The following USP8 variants were observed in gnomAD, a reference collection of about 807,000 sequenced individuals.
USP8 encodes the protein ubiquitin specific peptidase 8.
USP8 carries 27 observed loss-of-function variants against 130.0 expected under a neutral mutation model. The ratio of observed to expected loss-of-function variants is 0.21; its 90% confidence interval spans 0.15 to 0.29. The LOEUF (loss-of-function observed/expected upper bound fraction) is 0.29. USP8 is among the 10% of genes least tolerant of loss of function. USP8 has a pLI of 1.00. For synonymous variants in USP8, 392 were observed against 444.1 expected, an observed-to-expected ratio of 0.88 and a Z score of 1.48; for missense variants, 1,029 against 1,312.2, an observed-to-expected ratio of 0.78 and a Z score of 3.33.
rs61761607 is a variant in USP8, at chr15:50,499,008, G to A, written c.3277G>A (p.Val1093Ile). Reference protein sequence around the residue: ...FDDHEVSDISVSSVKSSAAYI... With the variant: ...FDDHEVSDISISSVKSSAAYI... ...TGATCATGAAGTTTCTGATATCTCCGTTTCTTCTGTGAAATCTTCAGCAGC... is the reference window on the plus strand; with the variant it reads ...TGATCATGAAGTTTCTGATATCTCCATTTCTTCTGTGAAATCTTCAGCAGC... The change falls in exon 20 of 20, where the codon GTT becomes ATT. Residue 1093 changes from valine (V) to isoleucine (I), a missense_variant. By Grantham distance (29) the Val-to-Ile change is conservative. Transcript: ENST00000307179. 4.1e-5 allele frequency: 66 copies of A among 1,613,714 alleles called. No individual in the cohort carries two copies. The East Asian group carries it at 5.8e-4, about 14-fold the overall frequency.
chr15:50,493,223 T>C (rs904577614), intron 15 of USP8: 11 of 508,740 alleles, frequency 2.2e-5, no homozygotes, highest in African/African-American at 2.1e-4. Context: ...CATGGCCTTA[T>C]CACCTCTTTA....
chr15:50,427,482 ATAT>A (rs1235302982), intron 1 of USP8, among the ~76,000 whole-genome samples: 1 of 152,090 alleles, frequency 6.6e-6, no homozygotes, highest in Non-Finnish European at 1.5e-5. Context: ...CAGTTCCATA[ATAT>A]TAAATTTATT....
At position 50,505,793 on chromosome 15, in the gene USP8, TA is replaced by T; in HGVS notation, c.*6713del. The T allele has an allele frequency of 6.6e-6, 1 of 152,016 alleles. No individual in the cohort carries two copies. Among genetic ancestry groups the T allele is most frequent in the Non-Finnish European group, 1.5e-5 (1 of 67,970 alleles). The allele number at this position is 152,016 out of a possible 1,614,324, so 9.4% of individuals were successfully genotyped here. A position where few individuals can be genotyped will look rare whatever the true frequency, so the allele number is the denominator to read the frequency against. On this transcript the variant is annotated 3_prime_UTR_variant, in exon 20 of 20. Transcript: ENST00000307179. ...GGGCAACATAGTGAGACCTGGTCTC[TA>T]AAAAAAATAAAAAAGTTGGCCATGC...
In USP8 at chr15:50,504,202, T is replaced by TATGGGAGG. The variant is rs1380675511; in HGVS notation, c.*5118_*5125dup. ...AGTAATCCAGAGATGACTTAAAGTA[T>TATGGGAGG]ATGGGAGGATGTGCATAGGTTACAT... is the stretch of plus-strand genomic sequence containing the variant. On this transcript the variant is annotated 3_prime_UTR_variant, in exon 20 of 20. Transcript: ENST00000307179. 6.6e-6 allele frequency: 1 copy of TATGGGAGG among 152,184 alleles called. No homozygotes were observed. Among genetic ancestry groups the TATGGGAGG allele is most frequent in the East Asian group, 1.9e-4 (1 of 5,204 alleles). The allele number at this position is 152,184 out of a possible 1,614,324, so 9.4% of individuals were successfully genotyped here.
chr15:50,467,321 G>A (rs2051226632), intron 7 of USP8, among the ~76,000 whole-genome samples: 1 of 152,136 alleles, frequency 6.6e-6, no homozygotes, highest in Admixed American at 6.5e-5. Context: ...TGAAACTCAA[G>A]ATGATTTTAG....
At chr15:50,427,558 A>ATTT (rs59709410) in intron 1 of USP8, among the ~76,000 whole-genome samples, 5 of 106,528 alleles carry the variant, frequency 4.7e-5, no homozygotes, top group Non-Finnish European at 3.8e-5. Context: ...AGCCGTACTA[A>ATTT]TTTTTTTTTT....
At chr15:50,430,283 G>A (rs374447083) in intron 1 of USP8, among the ~76,000 whole-genome samples, 5 of 152,114 alleles carry the variant, frequency 3.3e-5, no homozygotes, top group African/African-American at 9.7e-5. Context: ...GGAGGTGGAG[G>A]TTTTGGTGAG....
At position 50,481,905 on chromosome 15, in the gene USP8, T is replaced by C; in HGVS notation, c.1643T>C (p.Ile548Thr). Residue 548 changes from isoleucine to threonine, a missense_variant, in exon 11 of 20, where the codon ATA becomes ACA. This residue lies in a region of USP8 where 486 missense variants were observed against 522.0 expected (regional missense o/e 0.93). Transcript: ENST00000307179. ...ACCTCAGCAAAGAGGGGCAAAGAAA[T>C]AACAGGAGTAAAAAGACAAAGTAAA... ...KETSAKRGKE[I>T]TGVKRQSKSE... 1 of 1,599,450 alleles carries C rather than the reference T, an allele frequency of 6.3e-7. No individual in the cohort carries two copies. Among genetic ancestry groups the C allele is most frequent in the Non-Finnish European group, 8.5e-7 (1 of 1,174,582 alleles).
chr15:50,513,329 A>C lies in USP8; in HGVS notation c.*14241A>C, dbSNP rs2052762117. ...AATAGGAAAATGGATAATTTATGATATATTCACACAATATACATCATAGGC... is the reference window on the plus strand; with the variant it reads ...AATAGGAAAATGGATAATTTATGATCTATTCACACAATATACATCATAGGC... On this transcript the variant is annotated 3_prime_UTR_variant, in exon 20 of 20. Coordinates refer to ENST00000307179, the MANE Select transcript of USP8 (RefSeq NM_005154.5). The C allele has an allele frequency of 6.6e-6, 1 of 152,178 alleles. No individual in the cohort carries two copies. Among genetic ancestry groups the C allele is most frequent in the Non-Finnish European group, 1.5e-5 (1 of 68,026 alleles). 9.4% of individuals were successfully genotyped at this position (152,178 alleles called of 1,614,324 possible).
At chr15:50,456,224 A>G (rs1295817641) in intron 4 of USP8, among the ~76,000 whole-genome samples, 2 of 152,162 alleles carry the variant, frequency 1.3e-5, no homozygotes, top group African/African-American at 4.8e-5. Flanking sequence ...AATATTAGTG[A>G]TCATTTCTGT....
chr15:50,496,291 A>C (rs538482584), intron 17 of USP8, among the ~76,000 whole-genome samples: 86 of 151,996 alleles, frequency 5.7e-4, no homozygotes, highest in African/African-American at 2.0e-3. Context: ...ACCATCCTGG[A>C]TAACACGGTG....
intron 15 of USP8, chr15:50,493,509 T>TA (rs1193808566): frequency 3.9e-6 from 2 of 518,170 alleles, no homozygotes; most frequent in Non-Finnish European, 7.7e-6. Flanking sequence ...TCCTAGCACT[T>TA]TGGGAGGCTG....
chr15:50,495,917 G>A lies in USP8; in HGVS notation c.2728G>A (p.Ala910Thr). 1 of 1,613,792 alleles carries A rather than the reference G, an allele frequency of 6.2e-7. No individual in the cohort carries two copies. Among genetic ancestry groups the A allele is most frequent in the South Asian group, 1.1e-5 (1 of 91,066 alleles). The change falls in exon 17 of 20, where the codon GCC (alanine) becomes ACC (threonine). Residue 910 changes from alanine (A) to threonine (T), a missense_variant. By Grantham distance (58) the Ala-to-Thr change is moderately conservative. This residue lies in a region of USP8 where 257 missense variants were observed against 429.8 expected (regional missense o/e 0.60). Coordinates refer to ENST00000307179, the MANE Select transcript of USP8 (RefSeq NM_005154.5). ...HLDDFKAAEH[A>T]WQKHKQLNES... Reference sequence around the variant, plus strand: ...CGATGACTTTAAAGCTGCAGAACATGCCTGGCAGAAACACAAGCAGCTCAA... The same window carrying A: ...CGATGACTTTAAAGCTGCAGAACATACCTGGCAGAAACACAAGCAGCTCAA...
At position 50,506,987 on chromosome 15, in the gene USP8, A is replaced by AAAAAAAAAAAAAAAAAC; in HGVS notation, c.*7902_*7903insAAAAAAAAAAAAACAAA. 7.3e-6 allele frequency: 1 copy of AAAAAAAAAAAAAAAAAC among 137,490 alleles called. No homozygotes were observed. Among genetic ancestry groups the AAAAAAAAAAAAAAAAAC allele is most frequent in the African/African-American group, 2.9e-5 (1 of 34,852 alleles). The allele number at this position is 137,490 out of a possible 1,614,324, so 8.5% of individuals were successfully genotyped here. ...AAAAAAAAAAAAAAAAAAAAAAAAA[A>AAAAAAAAAAAAAAAAAC]AAATCCAGTTTTAGGCCAAGTGTGG... On this transcript the variant is annotated 3_prime_UTR_variant, in exon 20 of 20. Transcript: ENST00000307179.
intron 3 of USP8, among the ~76,000 whole-genome samples, chr15:50,445,557 A>AAAAAAAAAAAAAAAG (rs2050403980): frequency 8.8e-6 from 1 of 113,814 alleles, no homozygotes. Context: ...AAAAAAAAAA[A>AAAAAAAAAAAAAAAG]AAAAAAAAAA....
chr15:50,469,740 C>T (rs533292105), intron 7 of USP8, among the ~76,000 whole-genome samples: 2 of 151,972 alleles, frequency 1.3e-5, no homozygotes, highest in South Asian at 4.2e-4. Context: ...TGAAATGCCA[C>T]GATATACTAA....
Position 50,502,059 on chromosome 15 carries a change from A to G in USP8, c.*2971A>G, listed in dbSNP as rs1466288304. On this transcript the variant is annotated 3_prime_UTR_variant, in exon 20 of 20. Coordinates refer to ENST00000307179, the MANE Select transcript of USP8 (RefSeq NM_005154.5). ...TATTTACTGTTTGGCCTTTAACAGA[A>G]TAAGTTTGCTGACCTCTGCTGTAGA... The G allele has an allele frequency of 1.3e-5, 2 of 152,198 alleles. No homozygotes were observed. Among genetic ancestry groups the G allele is most frequent in the East Asian group, 1.9e-4 (1 of 5,196 alleles). The allele number at this position is 152,198 out of a possible 1,614,324, so 9.4% of individuals were successfully genotyped here. A position where few individuals can be genotyped will look rare whatever the true frequency, so the allele number is the denominator to read the frequency against.
At position 50,433,531 on chromosome 15, in the gene USP8, T is replaced by A. The variant is rs1215857040; in HGVS notation, c.-65-5478T>A. ...ACTTTTTACCTTTTAGTCTTCACTT[T>A]GTGGTTCCAGTCATCAAATCCCTAC... On this transcript the variant is annotated intron_variant, in intron 1 of 19. Coordinates refer to ENST00000307179, the MANE Select transcript of USP8 (RefSeq NM_005154.5). 2.6e-5 allele frequency among the ~76,000 whole-genome samples: 4 copies of A among 152,356 alleles called. No homozygotes were observed. In the East Asian group the frequency reaches 7.7e-4, roughly 29 times the overall value.
rs1328772401 is a variant in USP8, at chr15:50,512,954, A to T, written c.*13866A>T. ...CAAAAAAGTTATTTCTAACCCATGT[A>T]ACATATAACAAGGATCTAGAACATG... is the stretch of plus-strand genomic sequence containing the variant. On this transcript the variant is annotated 3_prime_UTR_variant, in exon 20 of 20. Coordinates refer to ENST00000307179, the MANE Select transcript of USP8 (RefSeq NM_005154.5). 1 of 152,222 alleles carries T rather than the reference A, an allele frequency of 6.6e-6. No homozygotes were observed. Among genetic ancestry groups the T allele is most frequent in the African/African-American group, 2.4e-5 (1 of 41,460 alleles). 9.4% of individuals were successfully genotyped at this position (152,222 alleles called of 1,614,324 possible).
Sources: allele counts gnomAD v4.1 joint callset (sites outside exome capture counted in the v4.1 genomes callset), GRCh38; gene constraint gnomAD v4.1.1; regional missense constraint gnomAD v4.1.1; transcripts MANE v1.5; gene names NCBI Gene and HGNC (gene_info 2026-07-23, HGNC 2026-07-21).